Variants in PHKB observed in about 807,000 individuals in gnomAD.
PHKB encodes phosphorylase b kinase regulatory subunit beta.
In PHKB, 122 loss-of-function variants were observed where a neutral mutation model predicts 152.1. That is an observed-to-expected ratio of 0.80 (90% CI 0.69 to 0.93). PHKB has a LOEUF of 0.93. Ranked by LOEUF, PHKB falls within the 40% of genes least tolerant of loss-of-function variation. PHKB has a pLI of 0.00. For synonymous variants in PHKB, 436 were observed against 464.9 expected, an observed-to-expected ratio of 0.94 and a Z score of 0.80; for missense variants, 1,304 against 1,328.4, an observed-to-expected ratio of 0.98 and a Z score of 0.29.
intron 1 of PHKB, among the ~76,000 whole-genome samples, chr16:47,488,226 C>G (rs962816298): frequency 6.6e-6 from 1 of 152,182 alleles, no homozygotes; most frequent in Admixed American, 6.5e-5. Context: ...TTGTTGGCTG[C>G]ATGTATCTCT....
chr16:47,603,426 G>A (rs1165481670), intron 13 of PHKB, among the ~76,000 whole-genome samples: 1 of 152,076 alleles, frequency 6.6e-6, no homozygotes, highest in Non-Finnish European at 1.5e-5. Context: ...ATAAACATCG[G>A]GAAGCACATG....
chr16:47,629,151 A>G (rs1233827347), intron 14 of PHKB, among the ~76,000 whole-genome samples: 1 of 152,232 alleles, frequency 6.6e-6, no homozygotes, highest in East Asian at 1.9e-4. Flanking sequence ...AGCAATGGCA[A>G]CAAAAGCCAA....
At chr16:47,660,957 G>A (rs1973433382) in intron 22 of PHKB, 138 bp downstream of exon 22, 2 of 834,874 alleles carry the variant, frequency 2.4e-6, no homozygotes, top group Admixed American at 2.0e-5. Flanking sequence ...CTACTCCCAG[G>A]GCAATCATGA....
intron 8 of PHKB, among the ~76,000 whole-genome samples, chr16:47,582,366 G>A (rs545782095): frequency 1.3e-5 from 2 of 152,202 alleles, no homozygotes; most frequent in South Asian, 4.1e-4. Context: ...CCATCTTTCA[G>A]TGCTCTACTT....
chr16:47,555,181 T>A (rs1971346898), intron 7 of PHKB, among the ~76,000 whole-genome samples: 1 of 152,244 alleles, frequency 6.6e-6, no homozygotes, highest in Admixed American at 6.5e-5. Flanking sequence ...TTTTGATATT[T>A]TCTTCATCGA....
In PHKB at chr16:47,555,427, A is replaced by G. The variant is rs890452337; in HGVS notation, c.710+7879A>G. Among the ~76,000 whole-genome samples the G allele has an allele frequency of 1.1e-4, 17 of 152,220 alleles. 1 individual carries two copies. The highest frequency in any genetic ancestry group is 3.9e-4 in the African/African-American group (16 of 41,472). On this transcript the variant is annotated intron_variant, in intron 7 of 30. Coordinates refer to ENST00000323584, the MANE Select transcript of PHKB (RefSeq NM_000293.3). Reference sequence around the variant, plus strand: ...CCATGGTAGGTGTGAAATTAAATAGATAGACCTATCTTTTCCATAAAAGCT... The same window carrying G: ...CCATGGTAGGTGTGAAATTAAATAGGTAGACCTATCTTTTCCATAAAAGCT...
intron 28 of PHKB, among the ~76,000 whole-genome samples, chr16:47,696,102 C>A (rs1231306447): frequency 6.6e-6 from 1 of 152,122 alleles, no homozygotes; most frequent in African/African-American, 2.4e-5. Flanking sequence ...TTTGGCTATT[C>A]CTTTTGTGTA....
intron 16 of PHKB, among the ~76,000 whole-genome samples, chr16:47,647,619 T>A (rs1353171074): frequency 1.3e-5 from 2 of 151,894 alleles, no homozygotes; most frequent in East Asian, 1.9e-4. Context: ...TTTCTCAGCC[T>A]CCCTAGTAGC....
intron 7 of PHKB, among the ~76,000 whole-genome samples, chr16:47,554,314 T>C (rs1251908860): frequency 6.6e-6 from 1 of 152,202 alleles, no homozygotes; most frequent in Non-Finnish European, 1.5e-5. Context: ...TTGTTTACAC[T>C]GTGAGGGGAA....
At chr16:47,686,015 C>G (rs1973959276) in intron 26 of PHKB, among the ~76,000 whole-genome samples, 1 of 152,166 alleles carries the variant, frequency 6.6e-6, no homozygotes, top group African/African-American at 2.4e-5. Context: ...GCTGGGATTA[C>G]CGGCATGAGC....
At chr16:47,618,972 G>C (rs1346959611) in intron 14 of PHKB, among the ~76,000 whole-genome samples, 1 of 152,070 alleles carries the variant, frequency 6.6e-6, no homozygotes, top group Non-Finnish European at 1.5e-5. Flanking sequence ...AGCCTAGTTT[G>C]GTATTTGACA....
intron 14 of PHKB, among the ~76,000 whole-genome samples, chr16:47,639,681 A>G (rs565578698): frequency 3.3e-5 from 5 of 152,336 alleles, no homozygotes; most frequent in Middle Eastern, 3.4e-3. Context: ...CAGTTTGCCA[A>G]TTACAATCTA....
chr16:47,668,248 C>A (rs1263985511), intron 25 of PHKB, among the ~76,000 whole-genome samples: 1 of 152,162 alleles, frequency 6.6e-6, no homozygotes, highest in Non-Finnish European at 1.5e-5. Context: ...CTTCTTTACA[C>A]ACTGACATTT....
chr16:47,635,650 C>T (rs981005395), intron 14 of PHKB, among the ~76,000 whole-genome samples: 3 of 152,158 alleles, frequency 2.0e-5, no homozygotes, highest in Admixed American at 6.5e-5. Flanking sequence ...GAGGAAGTGA[C>T]AAGATAGGAC....
At chr16:47,502,437 A>G (rs1015701089) in intron 3 of PHKB, among the ~76,000 whole-genome samples, 1 of 152,248 alleles carries the variant, frequency 6.6e-6, no homozygotes, top group Admixed American at 6.5e-5. Context: ...ACCAAAGAAT[A>G]TAAAGCTCTA....
At chr16:47,637,752 G>A (rs141923768) in intron 14 of PHKB, among the ~76,000 whole-genome samples, 13 of 152,222 alleles carry the variant, frequency 8.5e-5, no homozygotes, top group Admixed American at 4.6e-4. Context: ...AAAAAAATGG[G>A]TAGTAGCTAA....
intron 6 of PHKB, among the ~76,000 whole-genome samples, chr16:47,537,895 TCTCTCTC>T (rs1567296773): frequency 6.7e-6 from 1 of 150,078 alleles, no homozygotes; most frequent in East Asian, 1.9e-4. Flanking sequence ...TCTCTCTCTC[TCTCTCTC>T]TTTTTAAGTT....
chr16:47,669,232 T>C lies in PHKB; in HGVS notation c.2445T>C (p.Phe815=), dbSNP rs61494991. The change falls in exon 26 of 31, where the codon TTT becomes TTC. Residue 815 remains phenylalanine, a synonymous_variant. Transcript: ENST00000323584. ...ACTTGTAGGTAACTCTGGGTGCCTT[T>C]GGGCATGAAGAAGAAGTTATCTCTA... The part of the protein sequence containing the change: ...VHGKQVTLGA[F]GHEEEVISNP... The C allele has an allele frequency of 2.9e-5, 47 of 1,613,996 alleles. 1 individual carries two copies. In the African/African-American group the frequency reaches 4.5e-4, roughly 16 times the overall value.
intron 1 of PHKB, among the ~76,000 whole-genome samples, chr16:47,476,588 C>T (rs1448751676): frequency 6.6e-6 from 1 of 152,192 alleles, no homozygotes; most frequent in Non-Finnish European, 1.5e-5. Context: ...CTTTCTTCTG[C>T]TGTATCTCAT....
Sources: gnomAD v4.1 joint callset for allele counts (sites outside exome capture counted in the v4.1 genomes callset) on GRCh38, gnomAD v4.1.1 for gene constraint, MANE v1.5 for transcripts, NCBI Gene and HGNC (gene_info 2026-07-23, HGNC 2026-07-21) for gene names.